Variants in SPPL3 observed in about 807,000 individuals in gnomAD.
SPPL3 encodes the protein signal peptide peptidase like 3, also known as signal peptide peptidase-like 3.
A neutral mutation model predicts 42.4 loss-of-function variants in SPPL3; 5 were observed. The observed-to-expected ratio is 0.12, with a 90% confidence interval of 0.06 to 0.25. The LOEUF (loss-of-function observed/expected upper bound fraction) is 0.25. Ranked by LOEUF, SPPL3 falls within the 10% of genes least tolerant of loss-of-function variation. The pLI is 1.00. For synonymous variants in SPPL3, 195 were observed against 181.8 expected (o/e 1.07, Z -0.58); for missense variants, 235 against 489.0 (o/e 0.48, Z 4.90).
At chr12:120,875,955 T>A (rs1280477283) in intron 1 of SPPL3, among the ~76,000 whole-genome samples, 1 of 151,970 alleles carries the variant, frequency 6.6e-6, no homozygotes, top group Non-Finnish European at 1.5e-5. Flanking sequence ...AAAGTAGACT[T>A]TGGAACAAGG....
At chr12:120,773,788 G>C (rs1869210044) in intron 6 of SPPL3, among the ~76,000 whole-genome samples, 1 of 152,202 alleles carries the variant, frequency 6.6e-6, no homozygotes, top group Non-Finnish European at 1.5e-5. Flanking sequence ...ATTTTTAATA[G>C]AGATGGGGTT....
At chr12:120,817,643 AT>A (rs1870926625) in intron 1 of SPPL3, among the ~76,000 whole-genome samples, 1 of 152,274 alleles carries the variant, frequency 6.6e-6, no homozygotes, top group South Asian at 2.1e-4. Flanking sequence ...CTTAAGGCTA[AT>A]TTACAAACTC....
intron 1 of SPPL3, among the ~76,000 whole-genome samples, chr12:120,889,971 G>A (rs1438118855): frequency 6.6e-6 from 1 of 152,066 alleles, no homozygotes; most frequent in East Asian, 1.9e-4. Flanking sequence ...TTTTGCTGGG[G>A]GCGGTGGCTC....
intron 2 of SPPL3, among the ~76,000 whole-genome samples, chr12:120,807,910 A>G (rs918855367): frequency 6.6e-6 from 1 of 151,332 alleles, no homozygotes; most frequent in Non-Finnish European, 1.5e-5. Context: ...GTATAATTAA[A>G]GGCATCATGA....
At chr12:120,845,653 C>T (rs946644570) in intron 1 of SPPL3, 63 of 387,980 alleles carry the variant, frequency 1.6e-4, no homozygotes, top group Admixed American at 2.3e-4. Context: ...ATGTTATGTT[C>T]CCCATGCTTG....
chr12:120,795,807 C>G (rs565481149), intron 2 of SPPL3, among the ~76,000 whole-genome samples: 3 of 152,098 alleles, frequency 2.0e-5, no homozygotes, highest in South Asian at 2.1e-4. Flanking sequence ...TCTGTCCCTC[C>G]CTTTCTTCTC....
At chr12:120,809,353 A>G (rs1184060411) in intron 2 of SPPL3, among the ~76,000 whole-genome samples, 3 of 151,906 alleles carry the variant, frequency 2.0e-5, no homozygotes, top group Non-Finnish European at 4.4e-5. Context: ...TCAAAAAAAA[A>G]AACACCAAAA....
chr12:120,847,735 T>C (rs1232844566), intron 1 of SPPL3, among the ~76,000 whole-genome samples: 2 of 151,996 alleles, frequency 1.3e-5, no homozygotes, highest in East Asian at 3.9e-4. Flanking sequence ...CTGGCCTTGG[T>C]TTAAAGTAAC....
At chr12:120,898,475 G>C (rs1480358405) in intron 1 of SPPL3, among the ~76,000 whole-genome samples, 2 of 151,852 alleles carry the variant, frequency 1.3e-5, no homozygotes, top group Non-Finnish European at 2.9e-5. Flanking sequence ...ACACACACAA[G>C]ATCAAACCAT....
intron 1 of SPPL3, among the ~76,000 whole-genome samples, chr12:120,812,260 G>C (rs1173490425): frequency 1.3e-5 from 2 of 151,692 alleles, no homozygotes; most frequent in African/African-American, 4.8e-5. Flanking sequence ...TCAGTCTCTC[G>C]AGTAGCTGGG....
At chr12:120,772,318 G>A (rs1032081317) in intron 6 of SPPL3, among the ~76,000 whole-genome samples, 6 of 152,090 alleles carry the variant, frequency 3.9e-5, no homozygotes, top group Non-Finnish European at 8.8e-5. Context: ...CACCGCGCCC[G>A]GCCCAGTTGC....
intron 2 of SPPL3, among the ~76,000 whole-genome samples, chr12:120,797,058 T>C (rs1302072012): frequency 6.6e-6 from 1 of 152,080 alleles, no homozygotes; most frequent in African/African-American, 2.4e-5. Flanking sequence ...TAATCCGAGC[T>C]ACCCAGGAGG....
At chr12:120,791,337 T>G in intron 3 of SPPL3, 132 bp downstream of exon 3, 1 of 586,544 alleles carries the variant, frequency 1.7e-6, no homozygotes, top group Admixed American at 3.6e-5. Flanking sequence ...TTCACTCATT[T>G]TAAGTATAAT....
chr12:120,867,973 C>T (rs1484775491), intron 1 of SPPL3, among the ~76,000 whole-genome samples: 1 of 152,092 alleles, frequency 6.6e-6, no homozygotes, highest in Non-Finnish European at 1.5e-5. Flanking sequence ...TCTCGAACTC[C>T]TAACCTCAAG....
intron 1 of SPPL3, among the ~76,000 whole-genome samples, chr12:120,899,007 T>C (rs1291698510): frequency 1.3e-5 from 2 of 152,216 alleles, no homozygotes; most frequent in East Asian, 1.9e-4. Flanking sequence ...TTCCCGTTTC[T>C]CACAGAACTT....
rs1592949266 is a variant in SPPL3, at chr12:120,762,539, C to G, written c.*2460G>C. 6.6e-6 allele frequency: 1 copy of G among 151,610 alleles called. No individual in the cohort carries two copies. Among genetic ancestry groups the G allele is most frequent in the South Asian group, 2.1e-4 (1 of 4,814 alleles). The allele number at this position is 151,610 out of a possible 1,614,324, so 9.4% of individuals were successfully genotyped here. On this transcript the variant is annotated 3_prime_UTR_variant, in exon 11 of 11. Coordinates refer to ENST00000353487, the MANE Select transcript of SPPL3 (RefSeq NM_139015.5). Reference sequence around the variant, plus strand: ...TTCCTTCTGTCTGGAATTTAATTTTCTTATGAAAACAAAGACAGAAAAATT... The same window carrying G: ...TTCCTTCTGTCTGGAATTTAATTTTGTTATGAAAACAAAGACAGAAAAATT...
At chr12:120,794,333 G>C (rs191139101) in intron 2 of SPPL3, among the ~76,000 whole-genome samples, 1 of 151,746 alleles carries the variant, frequency 6.6e-6, no homozygotes, top group African/African-American at 2.4e-5. Flanking sequence ...TTTATAGTGT[G>C]CTTCTTGTAA....
chr12:120,838,896 T>C (rs1456523905), intron 1 of SPPL3, among the ~76,000 whole-genome samples: 3 of 152,184 alleles, frequency 2.0e-5, no homozygotes, highest in African/African-American at 7.2e-5. Context: ...AGGAACACTT[T>C]TACACTGTTG....
intron 1 of SPPL3, among the ~76,000 whole-genome samples, chr12:120,847,261 G>C (rs1195761650): frequency 6.6e-6 from 1 of 152,052 alleles, no homozygotes. Flanking sequence ...TTTGGGGAAG[G>C]TGGAAACATG....
Sources: gnomAD v4.1 joint callset for allele counts (sites outside exome capture counted in the v4.1 genomes callset) on GRCh38, gnomAD v4.1.1 for gene constraint, MANE v1.5 for transcripts, NCBI Gene and HGNC (gene_info 2026-07-23, HGNC 2026-07-21) for gene names.